The following GAPVD1 variants were observed in gnomAD, a reference collection of about 807,000 sequenced individuals.
The protein encoded by GAPVD1 is GTPase-activating protein and VPS9 domain-containing protein 1.
In GAPVD1, 35 loss-of-function variants were observed where a neutral mutation model predicts 155.5. That is an observed-to-expected ratio of 0.23 (90% CI 0.17 to 0.30). The LOEUF (loss-of-function observed/expected upper bound fraction) is 0.30. Ranked by LOEUF, GAPVD1 falls within the 10% of genes least tolerant of loss-of-function variation. GAPVD1 has a pLI of 1.00. For missense variants in GAPVD1, 1,429 were observed against 1,775.7 expected, an observed-to-expected ratio of 0.80 and a Z score of 3.51; for synonymous variants, 636 against 619.7, an observed-to-expected ratio of 1.03 and a Z score of -0.39.
intron 1 of GAPVD1, chr9:125,264,140 A>G: frequency 2.9e-6 from 2 of 696,134 alleles, no homozygotes; most frequent in East Asian, 2.7e-5. Context: ...AGTGTAGACG[A>G]AAGAGAATTT....
intron 9 of GAPVD1, among the ~76,000 whole-genome samples, chr9:125,314,365 T>C (rs1025764551): frequency 6.6e-6 from 1 of 152,024 alleles, no homozygotes; most frequent in Non-Finnish European, 1.5e-5. Context: ...TAAAGGTGAA[T>C]GAAAAGAAGG....
chr9:125,348,041 A>ATG (rs1848754911), intron 20 of GAPVD1, among the ~76,000 whole-genome samples: 1 of 151,928 alleles, frequency 6.6e-6, no homozygotes, highest in Non-Finnish European at 1.5e-5. Flanking sequence ...GTGTATATAT[A>ATG]TATGTTTTGT....
chr9:125,347,704 G>C (rs1303789532), intron 20 of GAPVD1, among the ~76,000 whole-genome samples: 3 of 142,050 alleles, frequency 2.1e-5, no homozygotes, highest in Non-Finnish European at 4.5e-5. Context: ...CTGGGCAAAA[G>C]AGCAAGACCC....
At chr9:125,321,647 T>C (rs1844350227) in intron 10 of GAPVD1, 85 bp downstream of exon 10, 20 of 1,241,370 alleles carry the variant, frequency 1.6e-5, no homozygotes, top group Non-Finnish European at 2.2e-5. Context: ...AAATTATAAT[T>C]ATACCATCTG....
In GAPVD1 at chr9:125,337,530, C is replaced by T; in HGVS notation, c.2816C>T (p.Ser939Phe). 6.2e-7 allele frequency: 1 copy of T among 1,614,120 alleles called. No individual in the cohort carries two copies. Among genetic ancestry groups the T allele is most frequent in the Non-Finnish European group, 8.5e-7 (1 of 1,179,936 alleles). Residue 939 changes from serine to phenylalanine, a missense_variant, in exon 17 of 28, where the codon TCT becomes TTT. Around this residue, in one of 4 missense-constraint regions of GAPVD1, gnomAD observed 699 missense variants for 826.0 expected, o/e 0.85. Transcript: ENST00000297933. ...LPPAAAIGAT[S>F]LVAAPHSSSS... ...CCAGCTGCAGCCATTGGTGCTACTT[C>T]TTTGGTGGCTGCACCTCATTCATCA...
chr9:125,350,551 A>T, intron 22 of GAPVD1, 147 bp downstream of exon 22: 1 of 696,160 alleles, frequency 1.4e-6, no homozygotes. Flanking sequence ...GGGCACTTTG[A>T]TTACTGATGA....
intron 3 of GAPVD1, among the ~76,000 whole-genome samples, chr9:125,296,304 A>G (rs1839845651): frequency 6.6e-6 from 1 of 150,882 alleles, no homozygotes; most frequent in African/African-American, 2.4e-5. Context: ...CAGCCTCCCA[A>G]AGTGCTGGGA....
intron 2 of GAPVD1, among the ~76,000 whole-genome samples, chr9:125,284,168 G>A (rs1283725970): frequency 1.4e-5 from 2 of 140,196 alleles, no homozygotes; most frequent in East Asian, 4.3e-4. Context: ...GAGTCACTGA[G>A]CCCCGCCAGA....
At chr9:125,346,250 A>T (rs1387833760) in intron 19 of GAPVD1, 2 of 160,040 alleles carry the variant, frequency 1.2e-5, no homozygotes, top group Non-Finnish European at 2.7e-5. Flanking sequence ...ACATCATTGC[A>T]TGCACAAAAG....
intron 2 of GAPVD1, among the ~76,000 whole-genome samples, chr9:125,280,056 C>G (rs1206133193): frequency 6.6e-6 from 1 of 150,544 alleles, no homozygotes; most frequent in Non-Finnish European, 1.5e-5. Context: ...AGCCGCTGCG[C>G]TGGCCAAAAC....
chr9:125,307,768 C>G lies in GAPVD1; in HGVS notation c.1329C>G (p.Asn443Lys). 1 of 1,613,648 alleles carries G rather than the reference C, an allele frequency of 6.2e-7. No homozygotes were observed. Among genetic ancestry groups the G allele is most frequent in the Non-Finnish European group, 8.5e-7 (1 of 1,179,648 alleles). The change falls in exon 8 of 28, where the codon AAC becomes AAG. Residue 443 changes from asparagine (N) to lysine (K), a missense_variant. Around this residue, in one of 4 missense-constraint regions of GAPVD1, gnomAD observed 628 missense variants for 733.4 expected, o/e 0.86. Coordinates refer to ENST00000297933, the MANE Select transcript of GAPVD1 (RefSeq NM_001282680.3). ...TGGCTCTTGACAATTTATTGGCAAACCTACCCCCGGCCAAGCCAGGAAAAA... is the reference window on the plus strand; with the variant it reads ...TGGCTCTTGACAATTTATTGGCAAAGCTACCCCCGGCCAAGCCAGGAAAAA... ...DRMALDNLLA[N>K]LPPAKPGKSS... is the part of the protein sequence containing the mutation.
At chr9:125,288,833 T>A (rs964300665) in intron 2 of GAPVD1, among the ~76,000 whole-genome samples, 13 of 152,180 alleles carry the variant, frequency 8.5e-5, no homozygotes, top group African/African-American at 3.1e-4. Context: ...ATGAGATAAA[T>A]AAGTAAAATG....
intron 3 of GAPVD1, among the ~76,000 whole-genome samples, chr9:125,298,524 C>T (rs568036761): frequency 3.1e-5 from 3 of 95,990 alleles, no homozygotes; most frequent in African/African-American, 1.3e-4. Flanking sequence ...GATTCTTGCT[C>T]TGTTATCAGG....
intron 5 of GAPVD1, chr9:125,303,962 C>A (rs916720202): frequency 2.0e-5 from 3 of 151,982 alleles, no homozygotes; most frequent in African/African-American, 7.2e-5. Flanking sequence ...CATCCTTGCA[C>A]AGGTGCCATG....
chr9:125,357,689 C>A (rs1264874934), intron 25 of GAPVD1, among the ~76,000 whole-genome samples: 1 of 151,642 alleles, frequency 6.6e-6, no homozygotes, highest in African/African-American at 2.4e-5. Flanking sequence ...AAATATTAAT[C>A]CTGGCTGGGC....
Position 125,317,966 on chromosome 9 carries a change from C to T in GAPVD1, c.1603-3467C>T, listed in dbSNP as rs190291700. On this transcript the variant is annotated intron_variant, in intron 9 of 27. Transcript: ENST00000297933. ...GATGGATCAATTGAGATTATCTAGT[C>T]TCAGGAGCAGAAAGATTACAAAAGA... Among the ~76,000 whole-genome samples, 23 of 152,206 alleles carry T rather than the reference C, an allele frequency of 1.5e-4. No individual in the cohort carries two copies. In the East Asian group the frequency reaches 4.0e-3, roughly 27 times the overall value.
At chr9:125,274,345 AAAAC>A (rs1588555593) in intron 2 of GAPVD1, among the ~76,000 whole-genome samples, 1 of 152,170 alleles carries the variant, frequency 6.6e-6, no homozygotes, top group East Asian at 1.9e-4. Context: ...AAAAAAACTA[AAAAC>A]AATGGAAAAA....
At chr9:125,313,076 T>TC (rs1842875031) in intron 9 of GAPVD1, among the ~76,000 whole-genome samples, 1 of 152,098 alleles carries the variant, frequency 6.6e-6, no homozygotes. Context: ...TGCCTTTGCC[T>TC]CCCAAAGTGC....
chr9:125,362,644 C>T lies in GAPVD1; in HGVS notation c.4281C>T (p.Ile1427=), dbSNP rs762719381. 3 of 1,613,068 alleles carry T rather than the reference C, an allele frequency of 1.9e-6. No homozygotes were observed. The highest frequency in any genetic ancestry group is 2.2e-5 in the South Asian group (2 of 90,958). ...PPCLLSTVQY[I]SSFYASCLSG... The stretch of plus-strand genomic sequence containing the variant: ...GTTTGCTGTCTACTGTGCAGTATAT[C>T]AGTAGCTTTTATGCTAGCTGTCTGT... Residue 1427 remains isoleucine (I), a synonymous_variant, in exon 28 of 28, where the codon ATC becomes ATT. Transcript: ENST00000297933.
Sources: allele counts gnomAD v4.1 joint callset (sites outside exome capture counted in the v4.1 genomes callset), GRCh38; gene constraint gnomAD v4.1.1; regional missense constraint gnomAD v4.1.1; transcripts MANE v1.5; gene names NCBI Gene and HGNC (gene_info 2026-07-23, HGNC 2026-07-21).